ASCC3: variants seen among roughly 807,000 people sequenced by gnomAD.
ASCC3 encodes the protein activating signal cointegrator 1 complex subunit 3.
ASCC3 carries 158 observed loss-of-function variants against 256.3 expected under a neutral mutation model. That is an observed-to-expected ratio of 0.62 (90% CI 0.54 to 0.70). The LOEUF (loss-of-function observed/expected upper bound fraction) is 0.70, where lower values mean the gene tolerates loss of function less well. Ranked by LOEUF, ASCC3 falls within the 30% of genes least tolerant of loss-of-function variation. ASCC3 has a pLI of 0.00. For synonymous variants in ASCC3, 948 were observed against 883.4 expected (o/e 1.07, Z -1.30); for missense variants, 2,259 against 2,626.0 (o/e 0.86, Z 3.05).
At chr6:100,849,697 A>G (rs1165612350) in intron 3 of ASCC3, among the ~76,000 whole-genome samples, 1 of 152,216 alleles carries the variant, frequency 6.6e-6, no homozygotes, top group Non-Finnish European at 1.5e-5. Context: ...TGGGTTTCAA[A>G]GAATATTCTT....
intron 36 of ASCC3, among the ~76,000 whole-genome samples, chr6:100,583,846 C>T (rs1017464423): frequency 2.6e-5 from 4 of 151,940 alleles, no homozygotes; most frequent in Non-Finnish European, 5.9e-5. Flanking sequence ...CGTTATGTAC[C>T]CAGTGGTCAT....
At chr6:100,835,406 T>C (rs972714503) in intron 4 of ASCC3, among the ~76,000 whole-genome samples, 1 of 152,144 alleles carries the variant, frequency 6.6e-6, no homozygotes, top group East Asian at 1.9e-4. Flanking sequence ...ACTTATCATT[T>C]CAGATATCAG....
intron 4 of ASCC3, among the ~76,000 whole-genome samples, chr6:100,823,184 AT>A (rs1236286479): frequency 1.3e-5 from 2 of 152,192 alleles, no homozygotes; most frequent in South Asian, 4.1e-4. Flanking sequence ...AACATTTGCC[AT>A]TTTCATCCAC....
At position 100,625,317 on chromosome 6, in the gene ASCC3, G is replaced by A. The variant is rs1015273736; in HGVS notation, c.4660C>T (p.Pro1554Ser). Residue 1554 changes from proline to serine, a missense_variant, in exon 30 of 42, where the codon CCA becomes TCA. By Grantham distance (74) the Pro-to-Ser change is moderately conservative (BLOSUM62 -1). Transcript: ENST00000369162. Reference sequence around the variant, plus strand: ...ACAAATATCAAAACAGGTTTGGCTGGAGAATGGCTTCTAATTGCTGTTGAA... The same window carrying A: ...ACAAATATCAAAACAGGTTTGGCTGAAGAATGGCTTCTAATTGCTGTTGAA... ...PAFQAIRSHS[P>S]AKPVLIFVSS... The A allele has an allele frequency of 3.7e-6, 6 of 1,612,612 alleles. No individual in the cohort carries two copies. In the African/African-American group the frequency reaches 4.0e-5, roughly 11 times the overall value.
In ASCC3 at chr6:100,723,913, TGACAC is replaced by T. The variant is rs1479228552; in HGVS notation, c.1902+1621_1902+1625del. On this transcript the variant is annotated intron_variant, in intron 11 of 41. Coordinates refer to ENST00000369162, the MANE Select transcript of ASCC3 (RefSeq NM_006828.4). ...ATATATATATTTATAATTATATATA[TGACAC>T]ATATATATAATATATATATATACAC... Among the ~76,000 whole-genome samples, 4 of 140,586 alleles carry T rather than the reference TGACAC, an allele frequency of 2.8e-5. No individual in the cohort carries two copies. The East Asian group carries it at 6.3e-4, about 22-fold the overall frequency. 92.2% of individuals were successfully genotyped at this position (140,586 alleles called of 152,430 possible). A position where few individuals can be genotyped will look rare whatever the true frequency, so the allele number is the denominator to read the frequency against.
chr6:100,589,790 T>G lies in ASCC3; in HGVS notation c.5416-22A>C, dbSNP rs568142361. 4 of 1,613,136 alleles carry G rather than the reference T, an allele frequency of 2.5e-6. No individual in the cohort carries two copies. The African/African-American group carries it at 5.3e-5, about 22-fold the overall frequency. On this transcript the variant is annotated intron_variant, in intron 35 of 41. Coordinates refer to ENST00000369162, the MANE Select transcript of ASCC3 (RefSeq NM_006828.4). ...TATCCTATTTCAAAAGAATAACAAA[T>G]GAAGAGTACGATGAAAGTACATATC... is the stretch of plus-strand genomic sequence containing the variant.
At chr6:100,862,282 A>G (rs563081879) in intron 3 of ASCC3, among the ~76,000 whole-genome samples, 6 of 152,310 alleles carry the variant, frequency 3.9e-5, no homozygotes, top group East Asian at 3.9e-4. Flanking sequence ...AGCAAACTCA[A>G]TTTTTACTAA....
chr6:100,605,761 CTG>C, intron 32 of ASCC3, 61 bp from the exon 33 acceptor site: 1 of 1,539,144 alleles, frequency 6.5e-7, no homozygotes, highest in Non-Finnish European at 9.0e-7. Context: ...GGTATATTTA[CTG>C]ATTATGGCAT....
intron 36 of ASCC3, among the ~76,000 whole-genome samples, chr6:100,569,894 T>G (rs111424980): frequency 6.6e-6 from 1 of 152,216 alleles, no homozygotes; most frequent in Non-Finnish European, 1.5e-5. Context: ...TTTAATGATA[T>G]TGATTCTTGC....
chr6:100,698,657 TAA>T (rs1315648231), intron 13 of ASCC3, among the ~76,000 whole-genome samples: 4 of 152,186 alleles, frequency 2.6e-5, no homozygotes, highest in African/African-American at 9.6e-5. Flanking sequence ...GATGAAATAA[TAA>T]GAGCAAATTT....
At chr6:100,837,093 T>C (rs1771913196) in intron 4 of ASCC3, among the ~76,000 whole-genome samples, 1 of 151,982 alleles carries the variant, frequency 6.6e-6, no homozygotes, top group Admixed American at 6.6e-5. Flanking sequence ...TCTGAAAACA[T>C]ACAAAAGGCC....
At chr6:100,716,063 A>G (rs974689860) in intron 12 of ASCC3, among the ~76,000 whole-genome samples, 10 of 151,750 alleles carry the variant, frequency 6.6e-5, no homozygotes, top group Non-Finnish European at 1.2e-4. Flanking sequence ...CTACAGAAAC[A>G]TTTTTCAGAT....
chr6:100,802,688 A>G (rs1485582036), intron 5 of ASCC3, among the ~76,000 whole-genome samples: 1 of 152,096 alleles, frequency 6.6e-6, no homozygotes, highest in African/African-American at 2.4e-5. Context: ...ACTTTATTTT[A>G]ATAGATTACC....
rs376492559 is a variant in ASCC3, at chr6:100,605,678, A to G, written c.5067T>C (p.Arg1689=). Residue 1689 remains arginine (R), a synonymous_variant, in exon 33 of 42, where the codon CGT becomes CGC. Transcript: ENST00000369162. ...GGTCATCGAACTGCGGCCTCCCAGC[A>G]CGCCCCATCATCTGGAGGACATCTT... ...PITDVLQMMG[R]AGRPQFDDQG... 5 of 1,613,430 alleles carry G rather than the reference A, an allele frequency of 3.1e-6. No homozygotes were observed. The highest frequency in any genetic ancestry group is 4.2e-6 in the Non-Finnish European group (5 of 1,179,630).
At chr6:100,734,279 A>G (rs1302555118) in intron 10 of ASCC3, among the ~76,000 whole-genome samples, 1 of 152,226 alleles carries the variant, frequency 6.6e-6, no homozygotes, top group Non-Finnish European at 1.5e-5. Flanking sequence ...GGTACTATGT[A>G]TTTATATTAT....
chr6:100,608,160 T>TATGTA (rs1582549578), intron 30 of ASCC3, among the ~76,000 whole-genome samples: 12 of 15,362 alleles, frequency 7.8e-4, no homozygotes, highest in Non-Finnish European at 1.2e-3. Flanking sequence ...ATATACATAT[T>TATGTA]TATATACATA....
intron 41 of ASCC3, 40 bp downstream of exon 41, chr6:100,509,887 CAAAAA>C (rs34448975): frequency 6.5e-6 from 9 of 1,394,178 alleles, no homozygotes; most frequent in South Asian, 2.4e-5. Flanking sequence ...GACTCCGCCT[CAAAAA>C]AAAAAAAAAA....
rs1001573393 is a variant in ASCC3 at position 100,508,935 on chromosome 6, A to T, written c.*451T>A. 7.0e-5 allele frequency: 12 copies of T among 171,194 alleles called. No individual in the cohort carries two copies. The highest frequency in any genetic ancestry group is 1.1e-4 in the Admixed American group (2 of 17,530). 10.6% of individuals were successfully genotyped at this position (171,194 alleles called of 1,614,324 possible). On this transcript the variant is annotated 3_prime_UTR_variant, in exon 42 of 42. Transcript: ENST00000369162. ...AAAGTATAAATTTTGCTAACAAGAC[A>T]CGCTGTGTACCACCTTACAGATTTA...
At chr6:100,675,034 G>C (rs1776940221) in intron 14 of ASCC3, among the ~76,000 whole-genome samples, 3 of 151,982 alleles carry the variant, frequency 2.0e-5, no homozygotes, top group Admixed American at 1.3e-4. Flanking sequence ...TTAAAACACA[G>C]GTTTGCTTAG....
Sources: gnomAD v4.1 joint callset for allele counts (sites outside exome capture counted in the v4.1 genomes callset) on GRCh38, gnomAD v4.1.1 for gene constraint, MANE v1.5 for transcripts, NCBI Gene and HGNC (gene_info 2026-07-23, HGNC 2026-07-21) for gene names.